The following WDR4 variants were observed in gnomAD, a reference collection of about 807,000 sequenced individuals.
WDR4 encodes tRNA (guanine-N(7)-)-methyltransferase non-catalytic subunit WDR4.
A neutral mutation model predicts 48.6 loss-of-function variants in WDR4; 47 were observed. That is an observed-to-expected ratio of 0.97 (90% CI 0.77 to 1.23). The LOEUF (loss-of-function observed/expected upper bound fraction) is 1.23, where lower values mean the gene tolerates loss of function less well. Among genes scored for constraint, WDR4 ranks in the 50% most tolerant of loss-of-function variants. WDR4 has a pLI of 0.00. For synonymous variants in WDR4, 268 were observed against 230.0 expected (o/e 1.17, Z -1.49); for missense variants, 606 against 551.6 (o/e 1.10, Z -0.99).
chr21:42,892,985 G>A, the WDR4 span, among the ~76,000 whole-genome samples: 2 of 152,260 alleles, frequency 1.3e-5, no homozygotes, highest in East Asian at 1.9e-4. Flanking sequence ...CGAAGCGTTC[G>A]GGTGGACATG....
intron 10 of WDR4, 67 bp from the exon 11 acceptor site, chr21:42,850,309 GC>G: frequency 7.0e-7 from 1 of 1,423,978 alleles, no homozygotes; most frequent in Non-Finnish European, 9.5e-7. Flanking sequence ...ACCACAGCGG[GC>G]CCCCTGCAGC....
chr21:42,867,758 T>G (rs988468911), intron 3 of WDR4, among the ~76,000 whole-genome samples: 4 of 151,420 alleles, frequency 2.6e-5, no homozygotes, highest in Non-Finnish European at 5.9e-5. Flanking sequence ...ATACGAGATC[T>G]CACTATGTTG....
At chr21:42,885,279 C>A in the WDR4 span, among the ~76,000 whole-genome samples, 1 of 152,088 alleles carries the variant, frequency 6.6e-6, no homozygotes, top group African/African-American at 2.4e-5. Flanking sequence ...TCCAAGAAAG[C>A]CTTGGGTATT....
rs546586888 is a variant in WDR4 at position 42,857,443 on chromosome 21, G to A, written c.628-1663C>T. ...GTGCACACACCCAGCCTCTGAGGCC[G>A]GCTGGTGCTGACTCCCATCACACAC... On this transcript the variant is annotated intron_variant, in intron 6 of 10. Transcript: ENST00000398208. Among the ~76,000 whole-genome samples the A allele has an allele frequency of 2.0e-5, 3 of 152,242 alleles. 1 individual carries two copies. The highest frequency in any genetic ancestry group is 4.1e-4 in the South Asian group (2 of 4,824).
Position 42,853,615 on chromosome 21 carries a change from T to C in WDR4, c.929A>G (p.Gln310Arg), listed in dbSNP as rs769069343. The C allele has an allele frequency of 1.2e-6, 2 of 1,609,438 alleles. No homozygotes were observed. The highest frequency in any genetic ancestry group is 2.2e-5 in the South Asian group (2 of 89,728). Reference protein sequence around the residue: ...TQGLWVLQDCQEAPLVLYRPV... With the variant: ...TQGLWVLQDCREAPLVLYRPV... Reference sequence around the variant, plus strand: ...CCTGTAGAGCACCAGGGGGGCTTCCTGGCAGTCCTGGAGCACCCACAGCCC... The same window carrying C: ...CCTGTAGAGCACCAGGGGGGCTTCCCGGCAGTCCTGGAGCACCCACAGCCC... Residue 310 changes from glutamine (Q) to arginine (R), a missense_variant, in exon 9 of 11, where the codon CAG becomes CGG. Coordinates refer to ENST00000398208, the MANE Select transcript of WDR4 (RefSeq NM_018669.6).
Position 42,849,906 on chromosome 21 carries a change from A to G in WDR4, c.*143T>C. ...GCTGGTGACACAGAATGTTCTTTCT[A>G]GAGCCCAGGGGACAGCCCCATCCTC... On this transcript the variant is annotated 3_prime_UTR_variant, in exon 11 of 11. Transcript: ENST00000398208. 1.0e-6 allele frequency: 1 copy of G among 993,290 alleles called. No homozygotes were observed. Among genetic ancestry groups the G allele is most frequent in the Non-Finnish European group, 1.5e-6 (1 of 682,194 alleles). The allele number at this position is 993,290 out of a possible 1,614,324, so 61.5% of individuals were successfully genotyped here.
In WDR4 at chr21:42,875,916, C is replaced by CTTTTTTTTT. The variant is rs71194083; in HGVS notation, c.155+777_155+785dup. 7.7e-4 allele frequency among the ~76,000 whole-genome samples: 81 copies of CTTTTTTTTT among 104,890 alleles called. 7 individuals carry two copies. The highest frequency in any genetic ancestry group is 2.4e-3 in the African/African-American group (60 of 24,690). The allele number at this position is 104,890 out of a possible 152,430, so 68.8% of individuals were successfully genotyped here. The stretch of plus-strand genomic sequence containing the variant: ...TATTTAGAAAAGTCCTAACACTGTG[C>CTTTTTTTTT]TTTTTTTTTTTTTTTTTTTGAGACG... On this transcript the variant is annotated intron_variant, in intron 2 of 10. Transcript: ENST00000398208.
chr21:42,867,734 T>C (rs1301285397), intron 3 of WDR4, among the ~76,000 whole-genome samples: 1 of 151,944 alleles, frequency 6.6e-6, no homozygotes, highest in African/African-American at 2.4e-5. Context: ...TTGTGCTTTT[T>C]TTTTTCTTTG....
Position 42,861,587 on chromosome 21 carries a change from G to A in WDR4, c.566+695C>T, listed in dbSNP as rs144997080. On this transcript the variant is annotated intron_variant, in intron 5 of 10. Coordinates refer to ENST00000398208, the MANE Select transcript of WDR4 (RefSeq NM_018669.6). ...AGAACTCCAGAGCTGGATCACTAGC[G>A]AACTAAATGCAAGTCAGAAGAAGCT... Among the ~76,000 whole-genome samples, 89 of 152,164 alleles carry A rather than the reference G, an allele frequency of 5.8e-4. 1 individual carries two copies. In the East Asian group the frequency reaches 0.012, roughly 20 times the overall value.
At chr21:42,861,812 G>A (rs1314062607) in intron 5 of WDR4, among the ~76,000 whole-genome samples, 1 of 152,228 alleles carries the variant, frequency 6.6e-6, no homozygotes. Context: ...TTTTGTGTGA[G>A]ACAGGAGCGG....
At chr21:42,848,357 C>T (rs1439712446), downstream of WDR4, among the ~76,000 whole-genome samples, 8 of 149,912 alleles carry the variant, frequency 5.3e-5, no homozygotes, top group African/African-American at 1.5e-4. Flanking sequence ...ACACACACAG[C>T]GCACGATCAC....
At chr21:42,875,816 G>A (rs2058476719) in intron 2 of WDR4, among the ~76,000 whole-genome samples, 1 of 151,494 alleles carries the variant, frequency 6.6e-6, no homozygotes, top group Admixed American at 6.6e-5. Context: ...ATTAGCTGAA[G>A]TTAACTTCCT....
At chr21:42,864,691 C>T (rs1037299102) in intron 3 of WDR4, among the ~76,000 whole-genome samples, 1 of 152,210 alleles carries the variant, frequency 6.6e-6, no homozygotes, top group Non-Finnish European at 1.5e-5. Flanking sequence ...CAGCAAGAAC[C>T]AAAGTCACAG....
At position 42,872,844 on chromosome 21, in the gene WDR4, G is replaced by A. The variant is rs537550528; in HGVS notation, c.296+707C>T. Among the ~76,000 whole-genome samples the A allele has an allele frequency of 2.6e-5, 4 of 152,278 alleles. No individual in the cohort carries two copies. In the South Asian group the frequency reaches 8.3e-4, roughly 32 times the overall value. On this transcript the variant is annotated intron_variant, in intron 3 of 10. Coordinates refer to ENST00000398208, the MANE Select transcript of WDR4 (RefSeq NM_018669.6). ...CCCAGCTACTGGAGAAGCTGAGGCA[G>A]GAGAATCACTTGAAGCCGGGAGGTC...
Position 42,853,717 on chromosome 21 carries a change from C to A in WDR4, c.827G>T (p.Arg276Leu). Residue 276 changes from arginine to leucine, a missense_variant, in exon 9 of 11, where the codon CGC becomes CTC. By Grantham distance (102) the Arg-to-Leu change is moderately radical. Coordinates refer to ENST00000398208, the MANE Select transcript of WDR4 (RefSeq NM_018669.6). ...PVVYIFQLDA[R>L]RQQLVYRQQL... ...CTGCCTGTACACCAACTGCTGTCTG[C>A]GGGCGTCCAGCTGGAAGATGTAGAC... is the stretch of plus-strand genomic sequence containing the variant. 6.4e-7 allele frequency: 1 copy of A among 1,565,802 alleles called. No individual in the cohort carries two copies. The highest frequency in any genetic ancestry group is 8.7e-7 in the Non-Finnish European group (1 of 1,155,080).
chr21:42,892,296 A>AT, the WDR4 span, among the ~76,000 whole-genome samples: 708 of 150,626 alleles, frequency 4.7e-3, 5 homozygotes, highest in South Asian at 0.023. Context: ...ATCTTTTGGC[A>AT]TTTTTTTTTC....
At position 42,853,562 on chromosome 21, in the gene WDR4, G is replaced by A; in HGVS notation, c.975+7C>T. ...GCATAGGACATCTGGAAGGTGCCGA[G>A]TCTCACCTGCCACTGGTCGCCCACA... is the stretch of plus-strand genomic sequence containing the variant. On this transcript the variant is annotated splice_region_variant and intron_variant, in intron 9 of 10. Transcript: ENST00000398208. 1.2e-6 allele frequency: 2 copies of A among 1,604,930 alleles called. No homozygotes were observed. Among genetic ancestry groups the A allele is most frequent in the Non-Finnish European group, 8.5e-7 (1 of 1,175,676 alleles).
At chr21:42,849,057 T>C (rs113544243), downstream of WDR4, among the ~76,000 whole-genome samples, 26 of 83,992 alleles carry the variant, frequency 3.1e-4, no homozygotes, top group South Asian at 9.1e-4. Context: ...TCACGCGGCG[T>C]GCACCACACA....
chr21:42,878,412 T>C (rs939220377), intron 1 of WDR4, among the ~76,000 whole-genome samples: 2 of 152,196 alleles, frequency 1.3e-5, no homozygotes, highest in Non-Finnish European at 2.9e-5. Flanking sequence ...GTCTAATATA[T>C]CCACAGCTCA....
Sources: gnomAD v4.1 joint callset for allele counts (sites outside exome capture counted in the v4.1 genomes callset) on GRCh38, gnomAD v4.1.1 for gene constraint, MANE v1.5 for transcripts, NCBI Gene and HGNC (gene_info 2026-07-23, HGNC 2026-07-21) for gene names.